GBF1: variants seen among roughly 807,000 people sequenced by gnomAD.
The protein encoded by GBF1 is golgi brefeldin A resistant guanine nucleotide exchange factor 1.
Under a neutral mutation model 210.5 loss-of-function variants are expected in GBF1, and 114 were observed. That is an observed-to-expected ratio of 0.54 (90% confidence interval 0.47 to 0.63). GBF1 has a LOEUF of 0.63. GBF1 is among the 30% of genes least tolerant of loss of function. GBF1 has a pLI of 0.00. For synonymous variants in GBF1, 850 were observed against 889.2 expected, an observed-to-expected ratio of 0.96 and a Z score of 0.78; for missense variants, 1,851 against 2,357.7, an observed-to-expected ratio of 0.79 and a Z score of 4.45.
intron 3 of GBF1, among the ~76,000 whole-genome samples, chr10:102,313,310 TAAG>T (rs1231605401): frequency 6.6e-6 from 1 of 152,060 alleles, no homozygotes; most frequent in African/African-American, 2.4e-5. Context: ...TTTCCTGAAA[TAAG>T]AAAGTGATTT....
intron 1 of GBF1, among the ~76,000 whole-genome samples, chr10:102,258,598 C>G (rs2072760706): frequency 1.3e-5 from 2 of 149,982 alleles, no homozygotes; most frequent in Non-Finnish European, 3.0e-5. Context: ...ACAGAGAAAC[C>G]CCGTCTCTTC....
intron 3 of GBF1, among the ~76,000 whole-genome samples, chr10:102,294,446 A>G (rs2133726938): frequency 6.6e-6 from 1 of 151,248 alleles, no homozygotes; most frequent in East Asian, 2.0e-4. Flanking sequence ...CAGTGGCGCA[A>G]TCTTGGCTCA....
chr10:102,233,408 A>G, the GBF1 span, among the ~76,000 whole-genome samples: 3 of 139,388 alleles, frequency 2.2e-5, no homozygotes, highest in Non-Finnish European at 3.0e-5. Context: ...GGTTCAAGCT[A>G]TTCTCCTGCC....
At chr10:102,255,357 T>C (rs778503442) in intron 1 of GBF1, among the ~76,000 whole-genome samples, 5 of 152,212 alleles carry the variant, frequency 3.3e-5, no homozygotes, top group Non-Finnish European at 7.3e-5. Flanking sequence ...GTTTCTTTTT[T>C]ACAATGATTT....
At chr10:102,309,601 C>T (rs2078230992) in intron 3 of GBF1, among the ~76,000 whole-genome samples, 1 of 152,114 alleles carries the variant, frequency 6.6e-6, no homozygotes, top group Non-Finnish European at 1.5e-5. Flanking sequence ...GCTTGTTCAC[C>T]TCCCATAGCT....
intron 3 of GBF1, among the ~76,000 whole-genome samples, chr10:102,300,972 TTTTC>T (rs1367853740): frequency 2.0e-4 from 15 of 75,494 alleles, no homozygotes; most frequent in African/African-American, 7.7e-4. Context: ...CAGTATTTTC[TTTTC>T]TTTTTTTTTT....
In GBF1 at chr10:102,362,352, G is replaced by A. The variant is rs553899754; in HGVS notation, c.1687-123G>A. ...ATTACAGGCATGAGCCACCACGCCC[G>A]GCCAGAAAGACGTTTTCTAAGGGCA... On this transcript the variant is annotated intron_variant, in intron 14 of 39. Coordinates refer to ENST00000369983, the MANE Select transcript of GBF1 (RefSeq NM_001377137.1). 550 of 712,898 alleles carry A rather than the reference G, an allele frequency of 7.7e-4. 1 individual carries two copies. The highest frequency in any genetic ancestry group is 1.2e-3 in the Non-Finnish European group (505 of 419,564). 44.2% of individuals were successfully genotyped at this position (712,898 alleles called of 1,614,324 possible).
In GBF1 at chr10:102,382,225, T is replaced by C. The variant is rs755548425; in HGVS notation, c.5472T>C (p.Pro1824=). The C allele has an allele frequency of 1.1e-5, 17 of 1,614,082 alleles. No individual in the cohort carries two copies. In the South Asian group the frequency reaches 1.9e-4, roughly 18 times the overall value. ...CCCCACTGCAGGTGGGCGTGCCACC[T>C]ATGACTCTGCCCATCATCCTCAACC... ...LASPLQVGVP[P]MTLPIILNPA... Residue 1824 remains proline, a synonymous_variant, in exon 40 of 40, where the codon CCT becomes CCC. Transcript: ENST00000369983.
At chr10:102,268,044 A>G (rs1449761937) in intron 3 of GBF1, among the ~76,000 whole-genome samples, 1 of 152,192 alleles carries the variant, frequency 6.6e-6, no homozygotes, top group Non-Finnish European at 1.5e-5. Flanking sequence ...GGGTAGCTCC[A>G]AGAGGCCTAT....
chr10:102,382,391 C>T lies in GBF1; in HGVS notation c.*55C>T. The stretch of plus-strand genomic sequence containing the variant: ...CTTCCCACCAGGCTTTCCTTGACCC[C>T]ACTTCTGGCTGTCCTGCGGGCCACA... On this transcript the variant is annotated 3_prime_UTR_variant, in exon 40 of 40. Transcript: ENST00000369983. 2 of 1,478,064 alleles carry T rather than the reference C, an allele frequency of 1.4e-6. No individual in the cohort carries two copies. Among genetic ancestry groups the T allele is most frequent in the South Asian group, 1.3e-5 (1 of 76,618 alleles). The allele number at this position is 1,478,064 out of a possible 1,614,324, so 91.6% of individuals were successfully genotyped here. A position where few individuals can be genotyped will look rare whatever the true frequency, so the allele number is the denominator to read the frequency against.
the GBF1 span, among the ~76,000 whole-genome samples, chr10:102,233,777 C>T: frequency 6.6e-6 from 1 of 152,242 alleles, no homozygotes; most frequent in African/African-American, 2.4e-5. Context: ...AAGCCTGCTC[C>T]AGGCCATAGG....
Position 102,381,225 on chromosome 10 carries a change from C to A in GBF1, c.5272C>A (p.Pro1758Thr). ...TAGGACACCTGGCCATCCACCGCCC[C>A]CAGAGATTCCATCTGAGCTGGGGGC... ...DTRTPGHPPP[P>T]EIPSELGACD... is the part of the protein sequence containing the mutation. The change falls in exon 39 of 40, where the codon CCA becomes ACA. Residue 1758 changes from proline to threonine, a missense_variant. Pro to Thr is a conservative substitution (Grantham distance 38). Coordinates refer to ENST00000369983, the MANE Select transcript of GBF1 (RefSeq NM_001377137.1). The A allele has an allele frequency of 6.2e-7, 1 of 1,613,936 alleles. No individual in the cohort carries two copies. Among genetic ancestry groups the A allele is most frequent in the South Asian group, 1.1e-5 (1 of 91,072 alleles).
the GBF1 span, chr10:102,230,772 G>A: frequency 6.5e-7 from 1 of 1,530,780 alleles, no homozygotes; most frequent in Non-Finnish European, 8.8e-7. Context: ...CCCCGCCCAG[G>A]CCCTGCAGGG....
At chr10:102,334,825 G>GCA (rs1475134584) in intron 3 of GBF1, among the ~76,000 whole-genome samples, 12 of 151,858 alleles carry the variant, frequency 7.9e-5, no homozygotes, top group African/African-American at 2.9e-4. Context: ...CTCCAGGCTG[G>GCA]GTGACAGAGC....
intron 3 of GBF1, among the ~76,000 whole-genome samples, chr10:102,310,182 G>A (rs1565093111): frequency 1.3e-5 from 2 of 152,334 alleles, no homozygotes; most frequent in East Asian, 1.9e-4. Context: ...ACTGTTTGAT[G>A]TCAGAGTAAA....
At chr10:102,272,883 T>G (rs1252747687) in intron 3 of GBF1, among the ~76,000 whole-genome samples, 1 of 152,312 alleles carries the variant, frequency 6.6e-6, no homozygotes, top group East Asian at 1.9e-4. Context: ...TACAGATATG[T>G]TTTTTTCCAT....
rs369179789 is a variant in GBF1, at chr10:102,362,593, C to T, written c.1805C>T (p.Thr602Ile). Residue 602 changes from threonine (T) to isoleucine (I), a missense_variant, in exon 15 of 40, where the codon ACC becomes ATC. By Grantham distance (89) the Thr-to-Ile change is moderately conservative (BLOSUM62 -1). This residue lies in a region of GBF1 where 804 missense variants were observed against 958.6 expected (regional missense o/e 0.84). Coordinates refer to ENST00000369983, the MANE Select transcript of GBF1 (RefSeq NM_001377137.1). ...CAGGCTAAAGTCCTCAACAGCCTCA[C>T]CCAGCAAGAGAAGAAGGAGACAGCC... ...HCQAKVLNSL[T>I]QQEKKETARP... 3 of 1,614,172 alleles carry T rather than the reference C, an allele frequency of 1.9e-6. No individual in the cohort carries two copies. The South Asian group carries it at 3.3e-5, about 18-fold the overall frequency.
chr10:102,364,685 C>A (rs976339127), intron 17 of GBF1, among the ~76,000 whole-genome samples: 88 of 151,588 alleles, frequency 5.8e-4, no homozygotes, highest in African/African-American at 2.0e-3. Context: ...CCCGTCTCTA[C>A]TAAAAATACA....
rs2058958219 is a variant in GBF1, at chr10:102,351,301, A to T, written c.341A>T (p.Asp114Val). Reference sequence around the variant, plus strand: ...GCAGAGGGCATGGAGAACATGGCAGATGCTGTCACCCATGCTCGTTTTGTG... The same window carrying T: ...GCAGAGGGCATGGAGAACATGGCAGTTGCTGTCACCCATGCTCGTTTTGTG... Reference protein sequence around the residue: ...GTAEGMENMADAVTHARFVGT... With the variant: ...GTAEGMENMAVAVTHARFVGT... The change falls in exon 5 of 40, where the codon GAT becomes GTT. Residue 114 changes from aspartate to valine, a missense_variant. By Grantham distance (152) the Asp-to-Val change is radical. Around this residue, in one of 3 missense-constraint regions of GBF1, gnomAD observed 804 missense variants for 958.6 expected, o/e 0.84. Transcript: ENST00000369983. 1.2e-6 allele frequency: 2 copies of T among 1,611,676 alleles called. No homozygotes were observed. Among genetic ancestry groups the T allele is most frequent in the Non-Finnish European group, 1.7e-6 (2 of 1,177,906 alleles).
Sources: allele counts gnomAD v4.1 joint callset (sites outside exome capture counted in the v4.1 genomes callset), GRCh38; gene constraint gnomAD v4.1.1; regional missense constraint gnomAD v4.1.1; transcripts MANE v1.5; gene names NCBI Gene and HGNC (gene_info 2026-07-23, HGNC 2026-07-21).